Variants in PCDH15 observed in about 807,000 individuals in gnomAD.
The protein encoded by PCDH15 is protocadherin related 15.
Under a neutral mutation model 178.5 loss-of-function variants are expected in PCDH15, and 129 were observed. That is an observed-to-expected ratio of 0.72 (90% CI 0.63 to 0.84). PCDH15 has a LOEUF of 0.84. Ranked by LOEUF, PCDH15 falls within the 40% of genes least tolerant of loss-of-function variation. The probability of loss-of-function intolerance (pLI) is 0.00; values close to 1 mark genes in which losing one functional copy is unlikely to be tolerated. For missense variants in PCDH15, 2,230 were observed against 2,099.9 expected, an observed-to-expected ratio of 1.06 and a Z score of -1.21; for synonymous variants, 800 against 732.0, an observed-to-expected ratio of 1.09 and a Z score of -1.50.
chr10:54,566,033 G>T (rs1270825340), intron 2 of PCDH15, among the ~76,000 whole-genome samples: 1 of 152,166 alleles, frequency 6.6e-6, no homozygotes, highest in African/African-American at 2.4e-5. Context: ...GCAGCGAGCT[G>T]AGATCGTGCC....
chr10:54,075,974 A>T (rs1017565616), intron 17 of PCDH15, among the ~76,000 whole-genome samples: 24 of 152,054 alleles, frequency 1.6e-4, no homozygotes, highest in African/African-American at 4.6e-4. Flanking sequence ...TTGTTTTTTT[A>T]AAAAAATTAT....
chr10:54,637,540 T>G (rs2093886074), intron 2 of PCDH15, among the ~76,000 whole-genome samples: 1 of 152,066 alleles, frequency 6.6e-6, no homozygotes, highest in South Asian at 2.1e-4. Flanking sequence ...CAACACGCAC[T>G]TATTCCATAG....
At chr10:54,084,679 C>A (rs2094490311) in intron 16 of PCDH15, among the ~76,000 whole-genome samples, 1 of 152,100 alleles carries the variant, frequency 6.6e-6, no homozygotes, top group Middle Eastern at 3.4e-3. Flanking sequence ...GAATTTAAAA[C>A]CTGCTTCTAT....
chr10:54,586,972 G>A (rs908696916), intron 2 of PCDH15, among the ~76,000 whole-genome samples: 1 of 151,908 alleles, frequency 6.6e-6, no homozygotes, highest in African/African-American at 2.4e-5. Context: ...ACATATTTTT[G>A]CTTTTTTTTA....
intron 2 of PCDH15, among the ~76,000 whole-genome samples, chr10:55,566,974 T>C (rs924545157): frequency 6.6e-6 from 1 of 151,860 alleles, no homozygotes; most frequent in Non-Finnish European, 1.5e-5. Flanking sequence ...TCCAAATAGC[T>C]AAATTGATCC....
intron 2 of PCDH15, among the ~76,000 whole-genome samples, chr10:54,617,227 G>T (rs2093192962): frequency 6.6e-6 from 1 of 151,874 alleles, no homozygotes; most frequent in Admixed American, 6.6e-5. Flanking sequence ...ACATCACCAG[G>T]GTCCTAAGAA....
chr10:54,316,566 ACACACACAC>A lies in PCDH15; in HGVS notation c.876+696_876+704del, dbSNP rs1250109410. On this transcript the variant is annotated intron_variant, in intron 8 of 37. Transcript: ENST00000644397. ...CACACACACACACACACACACACAC[ACACACACAC>A]AAATACACCTTTTAGGGGAGAAATT... 6.1e-3 allele frequency among the ~76,000 whole-genome samples: 281 copies of A among 46,094 alleles called. 2 individuals are homozygous for A. The highest frequency in any genetic ancestry group is 0.016 in the Admixed American group (81 of 5,196). 30.2% of individuals were successfully genotyped at this position (46,094 alleles called of 152,430 possible). A position where few individuals can be genotyped will look rare whatever the true frequency, so the allele number is the denominator to read the frequency against.
At chr10:55,492,826 T>C (rs1411288231) in intron 2 of PCDH15, among the ~76,000 whole-genome samples, 1 of 151,756 alleles carries the variant, frequency 6.6e-6, no homozygotes, top group Non-Finnish European at 1.5e-5. Flanking sequence ...GAAGACTTGA[T>C]AGTAATGTCT....
At chr10:55,602,169 GCTTTTCCAACCGGCGTAAAAAACAGCA>G (rs1843099180) in intron 2 of PCDH15, among the ~76,000 whole-genome samples, 1 of 152,118 alleles carries the variant, frequency 6.6e-6, no homozygotes, top group Admixed American at 6.5e-5. Flanking sequence ...CGAATACTGC[GCTTTTCCAACCGGCGTAAAAAACAGCA>G]CACCACGAGA....
At chr10:54,105,365 A>G (rs2094899860) in intron 15 of PCDH15, among the ~76,000 whole-genome samples, 1 of 147,530 alleles carries the variant, frequency 6.8e-6, no homozygotes, top group African/African-American at 2.5e-5. Context: ...CATACACAAA[A>G]CTAATAGGAT....
chr10:54,767,039 A>G (rs56269351), intron 1 of PCDH15, among the ~76,000 whole-genome samples: 5 of 152,196 alleles, frequency 3.3e-5, no homozygotes, highest in Non-Finnish European at 1.5e-5. Context: ...CATAAATGCT[A>G]TATTTTAACA....
intron 1 of PCDH15, among the ~76,000 whole-genome samples, chr10:54,799,793 C>T (rs1952457127): frequency 6.6e-6 from 1 of 152,062 alleles, no homozygotes; most frequent in Admixed American, 6.6e-5. Flanking sequence ...TTCACTCATT[C>T]ACACTTAGCC....
chr10:54,308,466 C>G (rs1294339175), intron 8 of PCDH15, among the ~76,000 whole-genome samples: 1 of 151,786 alleles, frequency 6.6e-6, no homozygotes, highest in Non-Finnish European at 1.5e-5. Context: ...TTATTTTATA[C>G]CTGTTTCTTA....
At chr10:55,073,008 T>C (rs1303643502) in intron 2 of PCDH15, among the ~76,000 whole-genome samples, 2 of 152,194 alleles carry the variant, frequency 1.3e-5, no homozygotes, top group Non-Finnish European at 2.9e-5. Flanking sequence ...CACATGATTA[T>C]CTCAAGAGAT....
intron 32 of PCDH15, among the ~76,000 whole-genome samples, chr10:53,826,618 C>A (rs781290778): frequency 6.6e-6 from 1 of 152,008 alleles, no homozygotes; most frequent in African/African-American, 2.4e-5. Context: ...AAAATACTGA[C>A]AAACTGAACA....
chr10:54,517,724 A>G (rs1233454021), intron 3 of PCDH15, among the ~76,000 whole-genome samples: 5 of 152,214 alleles, frequency 3.3e-5, no homozygotes, highest in Non-Finnish European at 7.3e-5. Context: ...ATAGACATCT[A>G]CAGAACTCTT....
chr10:55,536,854 C>T (rs1841589245), intron 2 of PCDH15, among the ~76,000 whole-genome samples: 1 of 152,114 alleles, frequency 6.6e-6, no homozygotes, highest in East Asian at 1.9e-4. Flanking sequence ...CTTCTATCTG[C>T]ATATATCTAT....
intron 2 of PCDH15, among the ~76,000 whole-genome samples, chr10:55,534,697 A>G (rs1171060567): frequency 6.6e-6 from 1 of 152,092 alleles, no homozygotes; most frequent in Non-Finnish European, 1.5e-5. Context: ...CATTAGACCC[A>G]TCAATCCCAT....
chr10:53,918,340 A>C (rs760387447), intron 25 of PCDH15, among the ~76,000 whole-genome samples: 11 of 152,222 alleles, frequency 7.2e-5, no homozygotes, highest in Non-Finnish European at 2.9e-5. Context: ...TATACAGAAG[A>C]GCCAGACTTC....
Sources: gnomAD v4.1 joint callset for allele counts (sites outside exome capture counted in the v4.1 genomes callset) on GRCh38, gnomAD v4.1.1 for gene constraint, MANE v1.5 for transcripts, NCBI Gene and HGNC (gene_info 2026-07-23, HGNC 2026-07-21) for gene names.